Variants in LIPH observed in about 807,000 individuals in gnomAD.
The protein encoded by LIPH is lipase member H.
In LIPH, 32 loss-of-function variants were observed where a neutral mutation model predicts 47.6. The ratio of observed to expected loss-of-function variants is 0.67; its 90% CI spans 0.51 to 0.90. LIPH has a LOEUF of 0.90. Among genes scored for constraint, LIPH ranks in the 40% least tolerant of loss-of-function variants. The probability of loss-of-function intolerance (pLI) is 0.00; values close to 1 mark genes in which losing one functional copy is unlikely to be tolerated. For missense variants in LIPH, 497 were observed against 541.4 expected (o/e 0.92, Z 0.81); for synonymous variants, 190 against 195.6 (o/e 0.97, Z 0.24).
intron 3 of LIPH, among the ~76,000 whole-genome samples, chr3:185,528,323 G>GAAGAAGAAAGAAAGAAAGA (rs1553822829): frequency 8.0e-6 from 1 of 125,514 alleles, no homozygotes; most frequent in Non-Finnish European, 1.6e-5. Context: ...AAGAAAGAAA[G>GAAGAAGAAAGAAAGAAAGA]AAGAAAGAAA....
At chr3:185,532,129 A>G (rs1720349380) in intron 3 of LIPH, among the ~76,000 whole-genome samples, 2 of 152,208 alleles carry the variant, frequency 1.3e-5, no homozygotes, top group Non-Finnish European at 2.9e-5. Context: ...CCCAGGACAG[A>G]CACCCAACAT....
rs532754851 is a variant in LIPH at position 185,538,656 on chromosome 3, C to G, written c.50-3524G>C. 0.011 allele frequency among the ~76,000 whole-genome samples: 29 copies of G among 2,550 alleles called. No homozygotes were observed. The South Asian group carries it at 0.39, about 34-fold the overall frequency. The allele number at this position is 2,550 out of a possible 152,430, so 1.7% of individuals were successfully genotyped here. A position where few individuals can be genotyped will look rare whatever the true frequency, so the allele number is the denominator to read the frequency against. ...ATGCTTAATGTTTCAGGTGTTATGT[C>G]CTTTTTAATTTTAATATGCCCCTTT... On this transcript the variant is annotated intron_variant, in intron 1 of 9. Coordinates refer to ENST00000296252, the MANE Select transcript of LIPH (RefSeq NM_139248.3).
chr3:185,513,158 T>TG (rs1719623035), intron 8 of LIPH, among the ~76,000 whole-genome samples: 1 of 151,828 alleles, frequency 6.6e-6, no homozygotes, highest in African/African-American at 2.4e-5. Flanking sequence ...CTGGCCAACA[T>TG]GTGAAAACCC....
At chr3:185,527,971 TC>T in intron 3 of LIPH, among the ~76,000 whole-genome samples, 1 of 151,656 alleles carries the variant, frequency 6.6e-6, no homozygotes, top group East Asian at 2.0e-4. Flanking sequence ...ACACCTGTAA[TC>T]CCAGCACTTT....
intron 1 of LIPH, 152 bp from the exon 2 acceptor site, chr3:185,535,284 AT>A: frequency 1.2e-6 from 1 of 841,424 alleles, no homozygotes; most frequent in East Asian, 2.5e-5. Context: ...GCAAAATCAT[AT>A]ATACATACTT....
In LIPH at chr3:185,508,853, A is replaced by G. The variant is rs143637393; in HGVS notation, c.1293T>C (p.Leu431=). ...PERPQLCRYD[L]VLMENVETVF... ...CTGTTTCAACGTTTTCCATCAGGACAAGATCATACCGACACAGCTGAGGCC... is the reference window on the plus strand; with the variant it reads ...CTGTTTCAACGTTTTCCATCAGGACGAGATCATACCGACACAGCTGAGGCC... The change falls in exon 10 of 10, where the codon CTT becomes CTC. Residue 431 remains leucine (L), a synonymous_variant. Transcript: ENST00000296252. 1.7e-5 allele frequency: 28 copies of G among 1,613,576 alleles called. No individual in the cohort carries two copies. Among genetic ancestry groups the G allele is most frequent in the Non-Finnish European group, 2.1e-5 (25 of 1,179,568 alleles).
intron 7 of LIPH, among the ~76,000 whole-genome samples, chr3:185,516,494 G>A (rs1371201755): frequency 6.6e-6 from 1 of 152,126 alleles, no homozygotes; most frequent in African/African-American, 2.4e-5. Flanking sequence ...ATGGGTACAA[G>A]ACTGTAGGAA....
intron 1 of LIPH, among the ~76,000 whole-genome samples, chr3:185,550,117 C>T (rs1721006943): frequency 6.6e-6 from 1 of 152,016 alleles, no homozygotes. Context: ...CATTTTAATG[C>T]TTGTTAATTT....
chr3:185,545,870 A>G (rs1720854631), intron 1 of LIPH, among the ~76,000 whole-genome samples: 1 of 151,966 alleles, frequency 6.6e-6, no homozygotes, highest in South Asian at 2.1e-4. Context: ...AAATAATCAT[A>G]ATAGGCCAGG....
intron 9 of LIPH, among the ~76,000 whole-genome samples, chr3:185,511,313 G>A (rs1398953798): frequency 6.6e-6 from 1 of 151,756 alleles, no homozygotes; most frequent in Non-Finnish European, 1.5e-5. Flanking sequence ...AATCCTCCCA[G>A]CTTGGCCTCC....
At chr3:185,540,674 C>T (rs1417062836) in intron 1 of LIPH, among the ~76,000 whole-genome samples, 1 of 147,834 alleles carries the variant, frequency 6.8e-6, no homozygotes, top group East Asian at 2.0e-4. Context: ...GCCGAGATCT[C>T]ACCACTGCAT....
intron 6 of LIPH, among the ~76,000 whole-genome samples, chr3:185,517,951 T>C (rs1719783160): frequency 6.6e-6 from 1 of 152,156 alleles, no homozygotes; most frequent in African/African-American, 2.4e-5. Context: ...CAATATCTAT[T>C]ACCTCACTCC....
intron 5 of LIPH, among the ~76,000 whole-genome samples, chr3:185,523,799 C>G (rs796415625): frequency 7.6e-6 from 1 of 131,668 alleles, no homozygotes; most frequent in East Asian, 2.1e-4. Flanking sequence ...CTCGGCTCAC[C>G]GCAACCTCTG....
chr3:185,519,073 G>T, intron 6 of LIPH, 69 bp downstream of exon 6: 1 of 1,315,624 alleles, frequency 7.6e-7, no homozygotes, highest in Non-Finnish European at 1.1e-6. Flanking sequence ...ACATGATAAA[G>T]TGGTTCTGGG....
At chr3:185,531,498 A>G (rs568939917) in intron 3 of LIPH, among the ~76,000 whole-genome samples, 50 of 151,230 alleles carry the variant, frequency 3.3e-4, no homozygotes, top group African/African-American at 1.2e-3. Context: ...ATCAGGCTGC[A>G]GTGAGCCATG....
At chr3:185,547,774 G>A (rs984523329) in intron 1 of LIPH, among the ~76,000 whole-genome samples, 14 of 149,418 alleles carry the variant, frequency 9.4e-5, no homozygotes, top group Admixed American at 5.4e-4. Flanking sequence ...GCAATGAGCC[G>A]AGATCGCGCC....
chr3:185,511,228 G>GT (rs368117734), intron 9 of LIPH, among the ~76,000 whole-genome samples: 63 of 146,004 alleles, frequency 4.3e-4, no homozygotes, highest in East Asian at 2.0e-3. Context: ...GTTTTGGGTT[G>GT]TTTTTTTTTT....
At chr3:185,519,368 A>G in intron 5 of LIPH, 59 bp from the exon 6 acceptor site, 1 of 1,020,414 alleles carries the variant, frequency 9.8e-7, no homozygotes, top group Non-Finnish European at 1.6e-6. Context: ...GTAATACTAT[A>G]TCACATATTC....
chr3:185,542,053 G>A (rs1181991936), intron 1 of LIPH, among the ~76,000 whole-genome samples: 1 of 151,744 alleles, frequency 6.6e-6, no homozygotes, highest in East Asian at 1.9e-4. Context: ...CACCGTGCCT[G>A]GCCATATTTG....
Sources: gnomAD v4.1 joint callset for allele counts (sites outside exome capture counted in the v4.1 genomes callset) on GRCh38, gnomAD v4.1.1 for gene constraint, MANE v1.5 for transcripts, NCBI Gene and HGNC (gene_info 2026-07-23, HGNC 2026-07-21) for gene names.